Variants in C20orf96 observed in about 807,000 individuals in gnomAD.
The protein encoded by C20orf96 is chromosome 20 open reading frame 96.
In C20orf96, 57 loss-of-function variants were observed where a neutral mutation model predicts 52.6. That is an observed-to-expected ratio of 1.08 (90% confidence interval 0.88 to 1.35). The LOEUF is 1.35. Ranked by LOEUF, C20orf96 falls within the 40% of genes most tolerant of loss-of-function variation. C20orf96 has a pLI of 0.00. For missense variants in C20orf96, 478 were observed against 443.6 expected (o/e 1.08, Z -0.70); for synonymous variants, 168 against 157.2 (o/e 1.07, Z -0.51).
intron 1 of C20orf96, 113 bp downstream of exon 1, chr20:290,478 G>A: frequency 6.7e-7 from 1 of 1,495,794 alleles, no homozygotes; most frequent in Non-Finnish European, 8.9e-7. Flanking sequence ...AGAGGACGGG[G>A]GTCAGAAGAC....
rs947621657 is a variant in C20orf96, at chr20:279,240, T to C, written c.397A>G (p.Ile133Val). 19 of 1,610,878 alleles carry C rather than the reference T, an allele frequency of 1.2e-5. No homozygotes were observed. Among genetic ancestry groups the C allele is most frequent in the Non-Finnish European group, 1.4e-5 (17 of 1,179,130 alleles). Residue 133 changes from isoleucine (I) to valine (V), a missense_variant, in exon 5 of 11, where the codon ATC (isoleucine) becomes GTC (valine). By Grantham distance (29) the Ile-to-Val change is conservative (BLOSUM62 3). Transcript: ENST00000360321. ...GTCGTGCTGTTCTCCATCTCCTGGA[T>C]GGTCTCGATCAGCTCCCGGTTGAGC... is the stretch of plus-strand genomic sequence containing the variant. Reference protein sequence around the residue: ...SKLNRELIETIQEMENSTTLH... With the variant: ...SKLNRELIETVQEMENSTTLH...
intron 10 of C20orf96, among the ~76,000 whole-genome samples, chr20:273,214 A>G (rs758262923): frequency 1.3e-5 from 2 of 152,140 alleles, no homozygotes; most frequent in Non-Finnish European, 2.9e-5. Context: ...GGCTCAAGCA[A>G]TCCTCCCACC....
intron 10 of C20orf96, among the ~76,000 whole-genome samples, chr20:271,867 A>T (rs1291848478): frequency 6.6e-6 from 1 of 152,214 alleles, no homozygotes; most frequent in Non-Finnish European, 1.5e-5. Context: ...TATTTCCATG[A>T]AAGTAGCAAG....
intron 6 of C20orf96, 36 bp from the exon 7 acceptor site, chr20:277,419 G>A: frequency 2.5e-6 from 4 of 1,608,650 alleles, no homozygotes; most frequent in African/African-American, 1.3e-5. Context: ...AGGGACAGGA[G>A]GCAAGACCTT....
chr20:289,616 G>A lies in C20orf96; in HGVS notation c.130C>T (p.Gln44Ter). 1 of 1,614,052 alleles carries A rather than the reference G, an allele frequency of 6.2e-7. No homozygotes were observed. The highest frequency in any genetic ancestry group is 8.5e-7 in the Non-Finnish European group (1 of 1,179,970). ...CTTGTATGAAGGCTGTTGGCTTGTT[G>A]GACTGGAGGCAGAGTAGATGGCTTG... ...ETKPSTLPPVQQANSLHTSKM... is the reference protein window; with the variant it reads ...ETKPSTLPPV The change falls in exon 3 of 11, where the codon CAA becomes TAA. Residue 44 changes from glutamine (Q) to a stop codon, truncating the protein, a stop_gained. Coordinates refer to ENST00000360321, the MANE Select transcript of C20orf96 (RefSeq NM_153269.3). LOFTEE classifies it high-confidence loss of function.
At chr20:287,027 G>A (rs1471306111) in intron 3 of C20orf96, among the ~76,000 whole-genome samples, 1 of 152,176 alleles carries the variant, frequency 6.6e-6, no homozygotes, top group Non-Finnish European at 1.5e-5. Context: ...GTTTTCCACG[G>A]TGGGGATACA....
chr20:290,563 ATTT>A (rs750461479), intron 1 of C20orf96, 25 bp downstream of exon 1: 1,907 of 1,289,466 alleles, frequency 1.5e-3, no homozygotes, highest in Admixed American at 4.2e-3. Context: ...CTTTCTTCCA[ATTT>A]TTTTTTTTTT....
At chr20:288,575 C>T (rs1019947462) in intron 3 of C20orf96, among the ~76,000 whole-genome samples, 1 of 152,172 alleles carries the variant, frequency 6.6e-6, no homozygotes, top group Non-Finnish European at 1.5e-5. Flanking sequence ...CCCAGCCTAC[C>T]TATGTCAGTA....
chr20:289,551 C>T lies in C20orf96; in HGVS notation c.187+8G>A. The T allele has an allele frequency of 6.2e-7, 1 of 1,600,550 alleles. No homozygotes were observed. Among genetic ancestry groups the T allele is most frequent in the Non-Finnish European group, 8.6e-7 (1 of 1,167,650 alleles). On this transcript the variant is annotated splice_region_variant and intron_variant, in intron 3 of 10. Transcript: ENST00000360321. ...CCCCCACACCAGCTCCCAGGTGCCT[C>T]CGCCCACCTGGTTGGACCCTAGTCA...
chr20:276,451 G>A, intron 9 of C20orf96: 1 of 985,422 alleles, frequency 1.0e-6, no homozygotes, highest in Non-Finnish European at 1.2e-6. Flanking sequence ...GGCAGTGATG[G>A]TGAAGTTCAT....
At chr20:279,041 A>AGGGC in intron 5 of C20orf96, 131 bp downstream of exon 5, 2 of 248,284 alleles carry the variant, frequency 8.1e-6, no homozygotes, top group Non-Finnish European at 1.3e-5. Context: ...GGCGGGACGG[A>AGGGC]GGGCGGGAGG....
At chr20:285,498 T>A (rs555573211) in intron 3 of C20orf96, among the ~76,000 whole-genome samples, 168 of 151,720 alleles carry the variant, frequency 1.1e-3, no homozygotes, top group Non-Finnish European at 2.2e-3. Context: ...CGGTTTTTAG[T>A]TGTATTGTAT....
At chr20:273,751 C>A (rs893588963) in intron 10 of C20orf96, among the ~76,000 whole-genome samples, 8 of 151,928 alleles carry the variant, frequency 5.3e-5, no homozygotes, top group Admixed American at 3.9e-4. Context: ...GTGGTGCACA[C>A]CTGTAATCCC....
intron 1 of C20orf96, 121 bp from the exon 2 acceptor site, chr20:290,428 C>A (rs1320833527): frequency 1.3e-6 from 2 of 1,545,540 alleles, no homozygotes; most frequent in African/African-American, 1.4e-5. Context: ...GGACAATAGC[C>A]CCGCGGGAGT....
chr20:272,277 C>T (rs1198254717), intron 10 of C20orf96, among the ~76,000 whole-genome samples: 2 of 152,162 alleles, frequency 1.3e-5, no homozygotes, highest in African/African-American at 4.8e-5. Context: ...CTGAGGTCTA[C>T]ACTCATCTTG....
At position 281,530 on chromosome 20, in the gene C20orf96, C is replaced by T. The variant is rs866331988; in HGVS notation, c.307-2200G>A. Reference sequence around the variant, plus strand: ...TACTAAAAACGACCCCTTCCTAGCCCTCAGCTCCTTTATTTCTCATATAAC... The same window carrying T: ...TACTAAAAACGACCCCTTCCTAGCCTTCAGCTCCTTTATTTCTCATATAAC... On this transcript the variant is annotated intron_variant, in intron 4 of 10. Transcript: ENST00000360321. Among the ~76,000 whole-genome samples the T allele has an allele frequency of 3.9e-5, 6 of 152,342 alleles. No individual in the cohort carries two copies. In the South Asian group the frequency reaches 1.2e-3, roughly 32 times the overall value.
At chr20:282,119 A>G (rs937391832) in intron 4 of C20orf96, among the ~76,000 whole-genome samples, 22 of 152,098 alleles carry the variant, frequency 1.4e-4, no homozygotes, top group African/African-American at 5.3e-4. Context: ...TCTTGTGAAA[A>G]ATGTTATTCT....
At chr20:271,741 G>C (rs1381159816) in intron 10 of C20orf96, among the ~76,000 whole-genome samples, 1 of 152,204 alleles carries the variant, frequency 6.6e-6, no homozygotes, top group Non-Finnish European at 1.5e-5. Context: ...CCCCAAGTGA[G>C]CCTCAGTTTC....
Position 289,570 on chromosome 20 carries a change from C to G in C20orf96, c.176G>C (p.Arg59Thr). The G allele has an allele frequency of 3.1e-6, 5 of 1,613,598 alleles. No homozygotes were observed. Among genetic ancestry groups the G allele is most frequent in the Non-Finnish European group, 4.2e-6 (5 of 1,179,562 alleles). ...GTGCCTCCGCCCACCTGGTTGGACC[C>G]TAGTCAAAGTCTTCATTTTGCTTGT... ...LHTSKMKTLT[R>T]VQPVFHFKPT... Residue 59 changes from arginine to threonine, a missense_variant, in exon 3 of 11, where the codon AGG (arginine) becomes ACG (threonine). Arg to Thr is a moderately conservative substitution (Grantham distance 71). Coordinates refer to ENST00000360321, the MANE Select transcript of C20orf96 (RefSeq NM_153269.3).
Sources: allele counts gnomAD v4.1 joint callset (sites outside exome capture counted in the v4.1 genomes callset), GRCh38; gene constraint gnomAD v4.1.1; transcripts MANE v1.5; gene names NCBI Gene and HGNC (gene_info 2026-07-23, HGNC 2026-07-21).